The following CDH13 variants were observed in gnomAD, a reference collection of about 807,000 sequenced individuals.
CDH13 encodes the protein cadherin 13.
Under a neutral mutation model 63.8 loss-of-function variants are expected in CDH13, and 24 were observed. The observed-to-expected ratio is 0.38, with a 90% CI of 0.27 to 0.53. The LOEUF is 0.53. Among genes scored for constraint, CDH13 ranks in the 20% least tolerant of loss-of-function variants. CDH13 has a pLI of 0.85. For synonymous variants in CDH13, 503 were observed against 355.3 expected, an observed-to-expected ratio of 1.42 and a Z score of -4.67; for missense variants, 1,049 against 903.1, an observed-to-expected ratio of 1.16 and a Z score of -2.07.
rs141381114 is a variant in CDH13 at position 83,281,891 on chromosome 16, C to T, written c.637-62971C>T. Among the ~76,000 whole-genome samples the T allele has an allele frequency of 1.4e-3, 219 of 152,234 alleles. 1 individual carries two copies. Among genetic ancestry groups the T allele is most frequent in the Non-Finnish European group, 2.4e-3 (165 of 68,026 alleles). On this transcript the variant is annotated intron_variant, in intron 5 of 13. Coordinates refer to ENST00000567109, the MANE Select transcript of CDH13 (RefSeq NM_001257.5). ...TTGCACCACTGCATTCTAACCTCGG[C>T]AACAGAGCGGGACTCCGTTTCTAAA...
intron 8 of CDH13, among the ~76,000 whole-genome samples, chr16:83,660,047 A>C (rs1011555237): frequency 6.6e-6 from 1 of 152,026 alleles, no homozygotes; most frequent in African/African-American, 2.4e-5. Flanking sequence ...TCGGCCTCCC[A>C]AAGTGCTGAG....
intron 13 of CDH13, among the ~76,000 whole-genome samples, chr16:83,787,009 C>T (rs1173832313): frequency 6.6e-6 from 1 of 152,204 alleles, no homozygotes; most frequent in African/African-American, 2.4e-5. Context: ...CATGAATTAG[C>T]TATTCATGTG....
At chr16:83,692,531 G>T (rs1372796514) in intron 10 of CDH13, among the ~76,000 whole-genome samples, 2 of 152,100 alleles carry the variant, frequency 1.3e-5, no homozygotes, top group African/African-American at 4.8e-5. Context: ...ACTCTTTCAT[G>T]CCCACTTCCC....
chr16:82,974,265 T>G, intron 2 of CDH13, among the ~76,000 whole-genome samples: 1 of 152,186 alleles, frequency 6.6e-6, no homozygotes, highest in Non-Finnish European at 1.5e-5. Flanking sequence ...GATGCATTCA[T>G]GTCAGGGTGC....
intron 2 of CDH13, among the ~76,000 whole-genome samples, chr16:82,932,071 G>C (rs188069917): frequency 6.6e-6 from 1 of 152,242 alleles, no homozygotes; most frequent in African/African-American, 2.4e-5. Flanking sequence ...GAAGAATGTG[G>C]CTTCTTTGCT....
intron 5 of CDH13, among the ~76,000 whole-genome samples, chr16:83,261,775 C>G (rs941279633): frequency 2.0e-5 from 3 of 151,146 alleles, no homozygotes; most frequent in Non-Finnish European, 4.4e-5. Context: ...AGTGGCAGAG[C>G]TTGAACCCAG....
At chr16:83,266,811 C>T (rs1434895427) in intron 5 of CDH13, among the ~76,000 whole-genome samples, 3 of 152,196 alleles carry the variant, frequency 2.0e-5, no homozygotes, top group Non-Finnish European at 4.4e-5. Context: ...CTTTTCCCCA[C>T]CTCTCAGGGC....
chr16:83,521,202 T>G (rs2074826325), intron 7 of CDH13, among the ~76,000 whole-genome samples: 2 of 152,222 alleles, frequency 1.3e-5, no homozygotes, highest in Non-Finnish European at 2.9e-5. Context: ...CCTTGCGTGT[T>G]AGCTCTCAGT....
At chr16:83,507,566 T>C (rs2074430807) in intron 7 of CDH13, among the ~76,000 whole-genome samples, 1 of 152,182 alleles carries the variant, frequency 6.6e-6, no homozygotes, top group Non-Finnish European at 1.5e-5. Flanking sequence ...CCAGGAAACG[T>C]TTCCAAAGGT....
intron 1 of CDH13, chr16:82,829,670 T>A (rs895903494): frequency 1.3e-5 from 2 of 152,126 alleles, no homozygotes; most frequent in Non-Finnish European, 2.9e-5. Flanking sequence ...TTACATTGTT[T>A]GGTATGTGAA....
intron 5 of CDH13, among the ~76,000 whole-genome samples, chr16:83,281,588 C>A (rs988845830): frequency 6.6e-6 from 1 of 152,134 alleles, no homozygotes; most frequent in African/African-American, 2.4e-5. Context: ...TCAGCTATCT[C>A]AGCTTTCAAC....
intron 2 of CDH13, among the ~76,000 whole-genome samples, chr16:82,917,397 A>G (rs1362779006): frequency 1.3e-5 from 2 of 152,148 alleles, no homozygotes; most frequent in South Asian, 2.1e-4. Flanking sequence ...AAGTTAATAG[A>G]CAGGGCAGAA....
intron 5 of CDH13, among the ~76,000 whole-genome samples, chr16:83,270,066 T>TAC (rs2088755386): frequency 6.6e-6 from 1 of 152,234 alleles, no homozygotes; most frequent in African/African-American, 2.4e-5. Context: ...TGGTTTCTCT[T>TAC]TGGAAATTAA....
intron 2 of CDH13, among the ~76,000 whole-genome samples, chr16:82,911,783 C>T (rs1204646758): frequency 6.6e-6 from 1 of 152,068 alleles, no homozygotes; most frequent in African/African-American, 2.4e-5. Context: ...ACACCTATGC[C>T]CCAGGCTCCT....
At chr16:83,728,057 T>C (rs1288119879) in intron 10 of CDH13, among the ~76,000 whole-genome samples, 1 of 152,194 alleles carries the variant, frequency 6.6e-6, no homozygotes, top group Non-Finnish European at 1.5e-5. Context: ...CCACAGCTCC[T>C]CTGAGGAGTC....
intron 6 of CDH13, among the ~76,000 whole-genome samples, chr16:83,455,528 T>C (rs1483954204): frequency 6.6e-6 from 1 of 152,182 alleles, no homozygotes; most frequent in Non-Finnish European, 1.5e-5. Context: ...ATATTTGCTT[T>C]TGTGTATTCC....
intron 7 of CDH13, among the ~76,000 whole-genome samples, chr16:83,561,420 C>T (rs1170984322): frequency 2.4e-5 from 2 of 83,252 alleles, no homozygotes; most frequent in Non-Finnish European, 4.8e-5. Context: ...GAGGGAAACA[C>T]CATCTCAAAA....
rs915396606 is a variant in CDH13, at chr16:83,256,750, C to T, written c.636+39253C>T. On this transcript the variant is annotated intron_variant, in intron 5 of 13. Transcript: ENST00000567109. ...GTCCCAGCTACTTGGGAGGCTGAGG[C>T]AGGAGAATGGCATGAACCCAGGAGG... is the stretch of plus-strand genomic sequence containing the variant. Among the ~76,000 whole-genome samples the T allele has an allele frequency of 3.4e-5, 5 of 146,120 alleles. No individual in the cohort carries two copies. In the South Asian group the frequency reaches 1.1e-3, roughly 31 times the overall value.
chr16:83,089,121 C>T (rs8045075), intron 3 of CDH13, among the ~76,000 whole-genome samples: 22,490 of 152,006 alleles, frequency 0.15, 2,104 homozygotes, highest in African/African-American at 0.26. Flanking sequence ...TAGATATAAG[C>T]GTATATTTTG....
Sources: gnomAD v4.1 joint callset for allele counts (sites outside exome capture counted in the v4.1 genomes callset) on GRCh38, gnomAD v4.1.1 for gene constraint, MANE v1.5 for transcripts, NCBI Gene and HGNC (gene_info 2026-07-23, HGNC 2026-07-21) for gene names.